Variants in HMBOX1 observed in about 807,000 individuals in gnomAD.
HMBOX1 encodes the protein homeobox-containing protein 1.
A neutral mutation model predicts 54.5 loss-of-function variants in HMBOX1; 14 were observed. The ratio of observed to expected loss-of-function variants is 0.26; its 90% CI spans 0.17 to 0.40. The LOEUF (loss-of-function observed/expected upper bound fraction) is 0.40. Ranked by LOEUF, HMBOX1 falls within the 10% of genes least tolerant of loss-of-function variation. The probability of loss-of-function intolerance (pLI) is 1.00; values close to 1 mark genes in which losing one functional copy is unlikely to be tolerated. For synonymous variants in HMBOX1, 160 were observed against 181.0 expected, an observed-to-expected ratio of 0.88 and a Z score of 0.93; for missense variants, 332 against 514.4, an observed-to-expected ratio of 0.65 and a Z score of 3.43.
chr8:28,909,765 A>G (rs1014096031), intron 1 of HMBOX1, among the ~76,000 whole-genome samples: 4 of 152,214 alleles, frequency 2.6e-5, no homozygotes, highest in African/African-American at 9.7e-5. Flanking sequence ...ATTTGGTGTA[A>G]AATTCATCTG....
chr8:28,964,910 A>G (rs1034075666), intron 2 of HMBOX1, among the ~76,000 whole-genome samples: 1 of 152,184 alleles, frequency 6.6e-6, no homozygotes, highest in African/African-American at 2.4e-5. Flanking sequence ...TTTTCAATCT[A>G]TCAGCCTTCT....
rs10106347 is a variant in HMBOX1, at chr8:29,022,494, A to C, written c.851+3581A>C. On this transcript the variant is annotated intron_variant, in intron 6 of 9. Transcript: ENST00000287701. Reference sequence around the variant, plus strand: ...AACAGCACTGTTTTTACTAATTTCAAAATACAGAAGATGACCTAAATGTCT... The same window carrying C: ...AACAGCACTGTTTTTACTAATTTCACAATACAGAAGATGACCTAAATGTCT... Among the ~76,000 whole-genome samples, 7 of 152,278 alleles carry C rather than the reference A, an allele frequency of 4.6e-5. No homozygotes were observed. In the East Asian group the frequency reaches 1.3e-3, roughly 29 times the overall value.
intron 1 of HMBOX1, among the ~76,000 whole-genome samples, chr8:28,927,712 T>C (rs1818776691): frequency 6.6e-6 from 1 of 150,452 alleles, no homozygotes; most frequent in Non-Finnish European, 1.5e-5. Context: ...AAACAAACCA[T>C]ATGTACCCAC....
chr8:28,929,007 A>G lies in HMBOX1; in HGVS notation c.-57-34804A>G, dbSNP rs1445338356. On this transcript the variant is annotated intron_variant, in intron 1 of 9. Transcript: ENST00000287701. Reference sequence around the variant, plus strand: ...ACGTTCTGGAGACTTAATGTACATAATGGTAACTACATGATGTTTGGTGAT... The same window carrying G: ...ACGTTCTGGAGACTTAATGTACATAGTGGTAACTACATGATGTTTGGTGAT... Among the ~76,000 whole-genome samples the G allele has an allele frequency of 2.6e-5, 4 of 152,222 alleles. No individual in the cohort carries two copies. The East Asian group carries it at 5.8e-4, about 22-fold the overall frequency.
chr8:28,988,359 CCTGA>C (rs1202259039), intron 4 of HMBOX1, among the ~76,000 whole-genome samples: 2 of 152,174 alleles, frequency 1.3e-5, no homozygotes, highest in Admixed American at 1.3e-4. Flanking sequence ...GTTTCCAGGG[CCTGA>C]CTATTTTGAA....
At chr8:29,012,761 A>G (rs747813800) in intron 5 of HMBOX1, among the ~76,000 whole-genome samples, 56 of 152,346 alleles carry the variant, frequency 3.7e-4, no homozygotes, top group Admixed American at 1.4e-3. Context: ...GACAGACCAA[A>G]AGAAATCAAT....
At chr8:28,999,746 G>C (rs1455222897) in intron 4 of HMBOX1, among the ~76,000 whole-genome samples, 1 of 151,658 alleles carries the variant, frequency 6.6e-6, no homozygotes, top group Admixed American at 6.6e-5. Context: ...TATAATTTTT[G>C]TCTGTTTATT....
intron 6 of HMBOX1, among the ~76,000 whole-genome samples, chr8:29,029,018 G>T (rs986176018): frequency 1.3e-5 from 2 of 151,398 alleles, no homozygotes; most frequent in African/African-American, 2.4e-5. Context: ...TTTTCTTCTT[G>T]TTTGCTTTAT....
In HMBOX1 at chr8:28,907,116, T is replaced by C. The variant is rs1035625462; in HGVS notation, c.-58+16438T>C. Among the ~76,000 whole-genome samples the C allele has an allele frequency of 2.6e-5, 4 of 152,362 alleles. No homozygotes were observed. The East Asian group carries it at 7.7e-4, about 29-fold the overall frequency. ...AATGAAAGATTATTTTCCAAATGAA[T>C]CGTCTATATAGGGTTCATTTTAGAA... On this transcript the variant is annotated intron_variant, in intron 1 of 9. Transcript: ENST00000287701.
chr8:29,038,462 C>CT (rs1479844729), intron 6 of HMBOX1, among the ~76,000 whole-genome samples: 1 of 152,108 alleles, frequency 6.6e-6, no homozygotes, highest in East Asian at 1.9e-4. Context: ...TTTATATGGA[C>CT]TAGAAGTATG....
chr8:28,909,199 G>A (rs961737294), intron 1 of HMBOX1, among the ~76,000 whole-genome samples: 1 of 151,928 alleles, frequency 6.6e-6, no homozygotes, highest in African/African-American at 2.4e-5. Flanking sequence ...CAAGATAATT[G>A]ACCTACCAGT....
chr8:28,979,988 T>G (rs1210749302), intron 3 of HMBOX1, 83 bp from the exon 4 acceptor site: 1 of 1,013,674 alleles, frequency 9.9e-7, no homozygotes, highest in African/African-American at 1.6e-5. Context: ...TCTCCCCACC[T>G]CTCTGCTTCA....
intron 1 of HMBOX1, among the ~76,000 whole-genome samples, chr8:28,926,874 CAAT>C (rs1818611457): frequency 6.6e-6 from 1 of 152,240 alleles, no homozygotes; most frequent in Non-Finnish European, 1.5e-5. Context: ...ACTATGAACT[CAAT>C]AGTCTGTTTT....
chr8:29,017,568 A>G (rs1835212692), intron 5 of HMBOX1, among the ~76,000 whole-genome samples: 1 of 152,252 alleles, frequency 6.6e-6, no homozygotes, highest in African/African-American at 2.4e-5. Context: ...TGAATTAGTT[A>G]TGTATAGGTG....
intron 5 of HMBOX1, among the ~76,000 whole-genome samples, chr8:29,010,830 T>C (rs1405225173): frequency 1.3e-5 from 2 of 152,188 alleles, no homozygotes; most frequent in Non-Finnish European, 2.9e-5. Context: ...AATTGGGATA[T>C]CTCTTAAATC....
At chr8:28,930,682 T>G (rs1274060355) in intron 1 of HMBOX1, among the ~76,000 whole-genome samples, 1 of 152,234 alleles carries the variant, frequency 6.6e-6, no homozygotes, top group Non-Finnish European at 1.5e-5. Context: ...ATCTTTGTTA[T>G]AGCAATTCCA....
intron 1 of HMBOX1, among the ~76,000 whole-genome samples, chr8:28,946,497 G>A (rs1822480486): frequency 6.6e-6 from 1 of 151,948 alleles, no homozygotes; most frequent in Non-Finnish European, 1.5e-5. Context: ...TTGAACCCGG[G>A]AGGTGGATGT....
At chr8:28,932,721 G>A (rs1319099895) in intron 1 of HMBOX1, among the ~76,000 whole-genome samples, 1 of 152,150 alleles carries the variant, frequency 6.6e-6, no homozygotes, top group Non-Finnish European at 1.5e-5. Flanking sequence ...TTATGATTTT[G>A]AAGTTTGGTT....
intron 1 of HMBOX1, among the ~76,000 whole-genome samples, chr8:28,907,032 ATT>A (rs898406996): frequency 3.3e-5 from 5 of 151,204 alleles, no homozygotes; most frequent in African/African-American, 1.2e-4. Flanking sequence ...TGTTATCAAA[ATT>A]ATTTGAAAAA....
Sources: gnomAD v4.1 joint callset for allele counts (sites outside exome capture counted in the v4.1 genomes callset) on GRCh38, gnomAD v4.1.1 for gene constraint, MANE v1.5 for transcripts, NCBI Gene and HGNC (gene_info 2026-07-23, HGNC 2026-07-21) for gene names.